Variants in GRIK3 observed in about 807,000 individuals in gnomAD.
GRIK3 encodes glutamate ionotropic receptor kainate type subunit 3, also known as glutamate receptor ionotropic, kainate 3.
In GRIK3, 29 loss-of-function variants were observed where a neutral mutation model predicts 102.5. The observed-to-expected ratio is 0.28, with a 90% CI of 0.21 to 0.39. The LOEUF (loss-of-function observed/expected upper bound fraction) is 0.39, where lower values mean the gene tolerates loss of function less well. Among genes scored for constraint, GRIK3 ranks in the 10% least tolerant of loss-of-function variants. GRIK3 has a pLI of 1.00. For synonymous variants in GRIK3, 511 were observed against 504.9 expected (o/e 1.01, Z -0.16); for missense variants, 908 against 1,252.4 (o/e 0.73, Z 4.15).
intron 13 of GRIK3, among the ~76,000 whole-genome samples, chr1:36,809,085 G>A (rs1486974392): frequency 6.6e-6 from 1 of 151,968 alleles, no homozygotes; most frequent in Non-Finnish European, 1.5e-5. Flanking sequence ...AGAACCAAAG[G>A]TAGATGAAGC....
At chr1:36,846,650 G>T (rs939896617) in intron 9 of GRIK3, among the ~76,000 whole-genome samples, 2 of 152,170 alleles carry the variant, frequency 1.3e-5, no homozygotes, top group Admixed American at 1.3e-4. Context: ...GAAGCATGGG[G>T]TTGGATTTTC....
At chr1:37,026,764 G>A (rs550948973) in intron 1 of GRIK3, among the ~76,000 whole-genome samples, 2 of 152,088 alleles carry the variant, frequency 1.3e-5, no homozygotes, top group South Asian at 2.1e-4. Context: ...TTGGACTCAC[G>A]TTCAAAAATA....
intron 13 of GRIK3, among the ~76,000 whole-genome samples, chr1:36,816,657 A>T (rs1166008011): frequency 1.3e-5 from 2 of 151,978 alleles, no homozygotes; most frequent in African/African-American, 2.4e-5. Context: ...TGTCTCCCCA[A>T]CCTCAGGTTA....
At chr1:36,948,586 AG>A (rs1641808988) in intron 1 of GRIK3, among the ~76,000 whole-genome samples, 1 of 152,178 alleles carries the variant, frequency 6.6e-6, no homozygotes, top group African/African-American at 2.4e-5. Context: ...AGGGAGAGGA[AG>A]GGTAAGAAGG....
At chr1:36,987,567 G>A (rs945193433) in intron 1 of GRIK3, among the ~76,000 whole-genome samples, 2 of 152,088 alleles carry the variant, frequency 1.3e-5, no homozygotes, top group African/African-American at 4.8e-5. Context: ...AAGAAGCTGG[G>A]GTATTCATCC....
chr1:36,994,279 G>A (rs936501403), intron 1 of GRIK3, among the ~76,000 whole-genome samples: 2 of 152,138 alleles, frequency 1.3e-5, no homozygotes, highest in African/African-American at 4.8e-5. Flanking sequence ...CACAATTGCG[G>A]TAAACTAGGA....
Position 36,799,355 on chromosome 1 carries a change from A to G in GRIK3, c.*2496T>C, listed in dbSNP as rs1557684523. The G allele has an allele frequency of 6.6e-6, 1 of 152,224 alleles. No individual in the cohort carries two copies. The highest frequency in any genetic ancestry group is 1.5e-5 in the Non-Finnish European group (1 of 68,082). 9.4% of individuals were successfully genotyped at this position (152,224 alleles called of 1,614,324 possible). ...CTTTGCTTCCACTGTGACCTGGAACATATGTGTGTGTCCCACACACTCGGA... is the reference window on the plus strand; with the variant it reads ...CTTTGCTTCCACTGTGACCTGGAACGTATGTGTGTGTCCCACACACTCGGA... On this transcript the variant is annotated 3_prime_UTR_variant, in exon 16 of 16. Coordinates refer to ENST00000373091, the MANE Select transcript of GRIK3 (RefSeq NM_000831.4).
intron 1 of GRIK3, among the ~76,000 whole-genome samples, chr1:36,917,895 CAGA>C (rs1487639087): frequency 6.6e-6 from 1 of 152,090 alleles, no homozygotes; most frequent in Non-Finnish European, 1.5e-5. Context: ...TGTCAAAAGC[CAGA>C]AGGACTCATA....
At chr1:37,032,425 G>A (rs148153402) in intron 1 of GRIK3, among the ~76,000 whole-genome samples, 35 of 152,098 alleles carry the variant, frequency 2.3e-4, no homozygotes, top group African/African-American at 8.2e-4. Flanking sequence ...ACCCTACGAC[G>A]CAGGCCCCCA....
intron 1 of GRIK3, among the ~76,000 whole-genome samples, chr1:36,986,317 G>C (rs1056869181): frequency 1.3e-5 from 2 of 151,860 alleles, no homozygotes; most frequent in Non-Finnish European, 2.9e-5. Flanking sequence ...CCATACATCA[G>C]TCTGTTCATC....
intron 1 of GRIK3, among the ~76,000 whole-genome samples, chr1:36,959,023 T>C (rs1223254641): frequency 9.5e-6 from 1 of 104,798 alleles, no homozygotes; most frequent in African/African-American, 2.9e-5. Context: ...CTGTGCCCCA[T>C]GAGCCTGTGT....
intron 11 of GRIK3, among the ~76,000 whole-genome samples, chr1:36,823,063 T>G (rs1642712698): frequency 2.0e-5 from 3 of 152,138 alleles, no homozygotes; most frequent in Non-Finnish European, 2.9e-5. Flanking sequence ...GCCCCATTTC[T>G]TGGAACTGTG....
chr1:36,934,977 T>G (rs1641639719), intron 1 of GRIK3, among the ~76,000 whole-genome samples: 1 of 152,202 alleles, frequency 6.6e-6, no homozygotes, highest in Non-Finnish European at 1.5e-5. Flanking sequence ...CCTGTTGTAT[T>G]TGGAGTAATT....
intron 2 of GRIK3, among the ~76,000 whole-genome samples, chr1:36,888,662 A>C (rs1318469537): frequency 6.6e-6 from 1 of 152,154 alleles, no homozygotes; most frequent in South Asian, 2.1e-4. Flanking sequence ...CACCTGGCAC[A>C]CAGTGGGCGC....
chr1:37,024,405 C>T (rs1642745852), intron 1 of GRIK3, among the ~76,000 whole-genome samples: 1 of 151,770 alleles, frequency 6.6e-6, no homozygotes, highest in African/African-American at 2.4e-5. Flanking sequence ...TATGCATTAA[C>T]TCATTCAATC....
At chr1:36,870,017 C>T (rs1450402447) in intron 4 of GRIK3, among the ~76,000 whole-genome samples, 1 of 152,216 alleles carries the variant, frequency 6.6e-6, no homozygotes, top group Non-Finnish European at 1.5e-5. Context: ...TCACCTGGGA[C>T]AGATTAAAAT....
chr1:36,973,547 G>A (rs1300474007), intron 1 of GRIK3, among the ~76,000 whole-genome samples: 1 of 148,960 alleles, frequency 6.7e-6, no homozygotes, highest in East Asian at 2.0e-4. Flanking sequence ...AGCCTCCCTA[G>A]TATCTGGGAC....
intron 5 of GRIK3, among the ~76,000 whole-genome samples, chr1:36,866,281 T>A (rs540543141): frequency 6.6e-6 from 1 of 152,180 alleles, no homozygotes; most frequent in Non-Finnish European, 1.5e-5. Flanking sequence ...TGAACCAACA[T>A]GGTCAGGCAT....
At chr1:37,021,893 T>C (rs1192450708) in intron 1 of GRIK3, among the ~76,000 whole-genome samples, 5 of 152,114 alleles carry the variant, frequency 3.3e-5, no homozygotes, top group African/African-American at 1.2e-4. Flanking sequence ...TCCCCACTGA[T>C]ACAAAGGAAA....
Sources: allele counts gnomAD v4.1 joint callset (sites outside exome capture counted in the v4.1 genomes callset), GRCh38; gene constraint gnomAD v4.1.1; transcripts MANE v1.5; gene names NCBI Gene and HGNC (gene_info 2026-07-23, HGNC 2026-07-21).